Variants in RABEP2 observed in about 807,000 individuals in gnomAD.
The protein encoded by RABEP2 is rabaptin, RAB GTPase binding effector protein 2, also known as rab GTPase-binding effector protein 2.
RABEP2 carries 57 observed loss-of-function variants against 74.1 expected under a neutral mutation model. The observed-to-expected ratio is 0.77, with a 90% CI of 0.62 to 0.96. The LOEUF is 0.96. Among genes scored for constraint, RABEP2 ranks in the 40% least tolerant of loss-of-function variants. The pLI is 0.00. For missense variants in RABEP2, 692 were observed against 756.3 expected, an observed-to-expected ratio of 0.91 and a Z score of 1.00; for synonymous variants, 351 against 344.0, an observed-to-expected ratio of 1.02 and a Z score of -0.23.
chr16:28,920,765 A>G (rs1458859194), intron 2 of RABEP2, among the ~76,000 whole-genome samples: 1 of 152,118 alleles, frequency 6.6e-6, no homozygotes, highest in Non-Finnish European at 1.5e-5. Context: ...ATATGTATAC[A>G]TGTGCCATGT....
chr16:28,924,496 C>T lies in RABEP2; in HGVS notation c.181G>A (p.Ala61Thr), dbSNP rs757212588. 5.0e-6 allele frequency: 8 copies of T among 1,614,088 alleles called. No individual in the cohort carries two copies. In the South Asian group the frequency reaches 8.8e-5, roughly 18 times the overall value. The change falls in exon 2 of 13, where the codon GCA (alanine) becomes ACA (threonine). Residue 61 changes from alanine (A) to threonine (T), a missense_variant. By Grantham distance (58) the Ala-to-Thr change is moderately conservative. Coordinates refer to ENST00000358201, the MANE Select transcript of RABEP2 (RefSeq NM_024816.3). ...GCCTTCGTGCTCTCGCTCACCTCTG[C>T]CACAGCCTTCATGGTTTCCATTTCT... ...LAEMETMKAVAEVSESTKAEA... is the reference protein window; with the variant it reads ...LAEMETMKAVTEVSESTKAEA...
At chr16:28,921,979 C>A (rs929757410) in intron 2 of RABEP2, among the ~76,000 whole-genome samples, 13 of 151,366 alleles carry the variant, frequency 8.6e-5, no homozygotes, top group African/African-American at 3.2e-4. Context: ...AACAAAAAAA[C>A]AAAAAAAAGA....
rs372461783 is a variant in RABEP2, at chr16:28,908,667, G to A, written c.1187C>T (p.Ala396Val). 4 of 1,614,182 alleles carry A rather than the reference G, an allele frequency of 2.5e-6. No homozygotes were observed. The highest frequency in any genetic ancestry group is 4.5e-5 in the East Asian group (2 of 44,890). ...GLRAEQLPSS[A>V]PQGSQQEQGE... ...CTGCTCCTGCTGCGAGCCCTGGGGGGCTGAGGATGGCAGCTGCTCGGCCCG... is the reference window on the plus strand; with the variant it reads ...CTGCTCCTGCTGCGAGCCCTGGGGGACTGAGGATGGCAGCTGCTCGGCCCG... The change falls in exon 8 of 13, where the codon GCC becomes GTC. Residue 396 changes from alanine to valine, a missense_variant. Transcript: ENST00000358201.
At chr16:28,924,366 G>A (rs755935803) in intron 2 of RABEP2, 37 bp downstream of exon 2, 2 of 1,562,064 alleles carry the variant, frequency 1.3e-6, no homozygotes, top group Non-Finnish European at 8.8e-7. Flanking sequence ...CCCCAGTATG[G>A]GGTTGATGGG....
At position 28,905,715 on chromosome 16, in the gene RABEP2, C is replaced by G. The variant is rs753817470; in HGVS notation, c.1480G>C (p.Glu494Gln). The G allele has an allele frequency of 6.2e-7, 1 of 1,613,978 alleles. No individual in the cohort carries two copies. Among genetic ancestry groups the G allele is most frequent in the East Asian group, 2.2e-5 (1 of 44,880 alleles). Residue 494 changes from glutamate to glutamine, a missense_variant, in exon 11 of 13, where the codon GAA (glutamate) becomes CAA (glutamine). Physicochemically the swap from Glu to Gln is conservative, Grantham distance 29. Transcript: ENST00000358201. ...LRTEMERVQQ[E>Q]QSKAQLPDLL... is the part of the protein sequence containing the mutation. Reference sequence around the variant, plus strand: ...GCCCTCCCCCTCACCTTGCTCTGTTCCTGCTGCACCCGCTCCATCTCTGTC... The same window carrying G: ...GCCCTCCCCCTCACCTTGCTCTGTTGCTGCTGCACCCGCTCCATCTCTGTC...
intron 2 of RABEP2, 58 bp downstream of exon 2, chr16:28,924,345 C>T (rs1028553993): frequency 7.9e-6 from 12 of 1,518,650 alleles, no homozygotes; most frequent in South Asian, 1.1e-5. Context: ...ATCCCTTTCT[C>T]GTCATGCACT....
In RABEP2 at chr16:28,906,841, C is replaced by T. The variant is rs569347403; in HGVS notation, c.1246-645G>A. Among the ~76,000 whole-genome samples, 3 of 152,170 alleles carry T rather than the reference C, an allele frequency of 2.0e-5. No homozygotes were observed. The South Asian group carries it at 6.2e-4, about 32-fold the overall frequency. On this transcript the variant is annotated intron_variant, in intron 8 of 12. Coordinates refer to ENST00000358201, the MANE Select transcript of RABEP2 (RefSeq NM_024816.3). ...CCAGCTGGTGGCCGGCGCCTGTAAT[C>T]CCAGCTACTCAGGAGGCTGAGGCAG...
At chr16:28,908,061 A>T (rs1225541412) in intron 8 of RABEP2, among the ~76,000 whole-genome samples, 1 of 152,108 alleles carries the variant, frequency 6.6e-6, no homozygotes, top group Non-Finnish European at 1.5e-5. Flanking sequence ...TGGCCTCCCA[A>T]AGTGCTGGGA....
intron 2 of RABEP2, 102 bp from the exon 3 acceptor site, chr16:28,920,045 C>A (rs1964449755): frequency 7.7e-7 from 1 of 1,306,562 alleles, no homozygotes; most frequent in African/African-American, 1.5e-5. Flanking sequence ...TTCTGTGAGA[C>A]AATCTACCAT....
At chr16:28,919,615 C>G in intron 3 of RABEP2, 171 bp downstream of exon 3, 1 of 672,808 alleles carries the variant, frequency 1.5e-6, no homozygotes, top group Non-Finnish European at 2.3e-6. Flanking sequence ...AAGGGGCAAG[C>G]CAGGACCCTA....
In RABEP2 at chr16:28,907,214, G is replaced by A. The variant is rs542655969; in HGVS notation, c.1246-1018C>T. 2.8e-5 allele frequency among the ~76,000 whole-genome samples: 4 copies of A among 144,640 alleles called. No homozygotes were observed. The South Asian group carries it at 9.0e-4, about 32-fold the overall frequency. 94.9% of individuals were successfully genotyped at this position (144,640 alleles called of 152,430 possible). On this transcript the variant is annotated intron_variant, in intron 8 of 12. Transcript: ENST00000358201. ...CTCACTCTGTGGCCCAGGATGGAGT[G>A]TAGTGGCATGATCACAGCTCACTGT...
intron 2 of RABEP2, 36 bp from the exon 3 acceptor site, chr16:28,919,979 G>A: frequency 6.5e-7 from 1 of 1,539,964 alleles, no homozygotes; most frequent in Non-Finnish European, 8.8e-7. Context: ...GAGAGGGAGG[G>A]TCAATGAGCC....
At chr16:28,924,947 C>T (rs1349675365) in intron 1 of RABEP2, 156 bp downstream of exon 1, 4 of 957,636 alleles carry the variant, frequency 4.2e-6, no homozygotes, top group Admixed American at 4.0e-5. Context: ...GGCCACGCCC[C>T]CTTTTGCCTG....
chr16:28,914,843 T>C, intron 3 of RABEP2, 61 bp from the exon 4 acceptor site: 3 of 1,426,400 alleles, frequency 2.1e-6, no homozygotes, highest in Non-Finnish European at 2.9e-6. Flanking sequence ...GCCCCGGGTC[T>C]GTTCAGAGCT....
intron 2 of RABEP2, among the ~76,000 whole-genome samples, chr16:28,922,734 GA>G (rs570023647): frequency 4.9e-5 from 7 of 142,388 alleles, no homozygotes; most frequent in South Asian, 2.2e-4. Flanking sequence ...CAAAAGAAAA[GA>G]AAAAAAAAAT....
intron 11 of RABEP2, 49 bp downstream of exon 11, chr16:28,905,655 T>C: frequency 6.3e-7 from 1 of 1,599,854 alleles, no homozygotes; most frequent in Non-Finnish European, 8.5e-7. Context: ...GGAGGGTCTT[T>C]TCCACAGCTG....
chr16:28,913,505 G>T (rs1567497335), intron 5 of RABEP2, among the ~76,000 whole-genome samples: 1 of 152,020 alleles, frequency 6.6e-6, no homozygotes, highest in Non-Finnish European at 1.5e-5. Context: ...TTTTGAGACA[G>T]AGTTTCACTC....
Position 28,904,575 on chromosome 16 carries a change from A to C in RABEP2, c.*368T>G. 1 of 1,324,280 alleles carries C rather than the reference A, an allele frequency of 7.6e-7. No homozygotes were observed. Among genetic ancestry groups the C allele is most frequent in the Non-Finnish European group, 1.0e-6 (1 of 998,920 alleles). The allele number at this position is 1,324,280 out of a possible 1,614,324, so 82.0% of individuals were successfully genotyped here. A position where few individuals can be genotyped will look rare whatever the true frequency, so the allele number is the denominator to read the frequency against. On this transcript the variant is annotated 3_prime_UTR_variant, in exon 13 of 13. Transcript: ENST00000358201. ...CTGTCCCAGGGCCGGGGCCCACCTC[A>C]CTGCCTCTGATGGGGACTCCCAGCC... is the stretch of plus-strand genomic sequence containing the variant.
intron 7 of RABEP2, among the ~76,000 whole-genome samples, chr16:28,909,674 A>G (rs1465816119): frequency 2.0e-5 from 3 of 151,690 alleles, no homozygotes; most frequent in Admixed American, 2.0e-4. Flanking sequence ...TGATTGCACC[A>G]CTGCACTCCA....
Sources: allele counts gnomAD v4.1 joint callset (sites outside exome capture counted in the v4.1 genomes callset), GRCh38; gene constraint gnomAD v4.1.1; transcripts MANE v1.5; gene names NCBI Gene and HGNC (gene_info 2026-07-23, HGNC 2026-07-21).